The following RUNX1 variants were observed in gnomAD, a reference collection of about 807,000 sequenced individuals.
RUNX1 encodes RUNX family transcription factor 1, also known as runt-related transcription factor 1.
Under a neutral mutation model 42.8 loss-of-function variants are expected in RUNX1, and 19 were observed. That is an observed-to-expected ratio of 0.44 (90% confidence interval 0.31 to 0.65). The LOEUF (loss-of-function observed/expected upper bound fraction) is 0.65. Among genes scored for constraint, RUNX1 ranks in the 30% least tolerant of loss-of-function variants. RUNX1 has a pLI of 0.07. For missense variants in RUNX1, 528 were observed against 672.0 expected (o/e 0.79, Z 2.37); for synonymous variants, 271 against 289.4 (o/e 0.94, Z 0.64).
chr21:34,948,455 G>C (rs1487066449), intron 2 of RUNX1, among the ~76,000 whole-genome samples: 1 of 152,166 alleles, frequency 6.6e-6, no homozygotes, highest in Non-Finnish European at 1.5e-5. Flanking sequence ...TCTGAGAGGA[G>C]AATTTCTCAG....
At chr21:34,985,091 A>G in intron 2 of RUNX1, among the ~76,000 whole-genome samples, 1 of 152,362 alleles carries the variant, frequency 6.6e-6, no homozygotes, top group Non-Finnish European at 1.5e-5. Flanking sequence ...AATAATACTT[A>G]GAAGACTTAG....
At position 34,880,897 on chromosome 21, in the gene RUNX1, T is replaced by A. The variant is rs2298354; in HGVS notation, c.352-184A>T. 0.25 allele frequency among the ~76,000 whole-genome samples: 38,449 copies of A among 152,212 alleles called. 5,015 individuals are homozygous for A. The highest frequency in any genetic ancestry group is 0.29 in the African/African-American group (12,246 of 41,514). ...AAGTTATAAAGAGAAGACACTTTTT[T>A]ATTATATTTTAGGTTGGTGCAAAAG... On this transcript the variant is annotated intron_variant, in intron 4 of 8. Transcript: ENST00000675419.
At chr21:34,958,342 C>A in intron 2 of RUNX1, among the ~76,000 whole-genome samples, 1 of 151,976 alleles carries the variant, frequency 6.6e-6, no homozygotes, top group Non-Finnish European at 1.5e-5. Flanking sequence ...AAGACTCAAA[C>A]AAATTTACAA....
At chr21:34,946,962 C>T (rs2058567851) in intron 2 of RUNX1, among the ~76,000 whole-genome samples, 2 of 152,156 alleles carry the variant, frequency 1.3e-5, no homozygotes, top group South Asian at 2.1e-4. Context: ...GCTACTTCTC[C>T]TCACCTTAGT....
intron 2 of RUNX1, among the ~76,000 whole-genome samples, chr21:34,962,103 G>A (rs1296820685): frequency 6.6e-6 from 1 of 152,258 alleles, no homozygotes; most frequent in African/African-American, 2.4e-5. Flanking sequence ...ATGTTGCCCA[G>A]GCTGGTTTCA....
chr21:34,828,484 G>A (rs1285737407), intron 7 of RUNX1, among the ~76,000 whole-genome samples: 1 of 152,160 alleles, frequency 6.6e-6, no homozygotes, highest in East Asian at 1.9e-4. Flanking sequence ...AGTTAATGCT[G>A]GAAAGAGTTA....
At chr21:35,002,297 C>T (rs2059050541) in intron 2 of RUNX1, among the ~76,000 whole-genome samples, 1 of 151,962 alleles carries the variant, frequency 6.6e-6, no homozygotes, top group Admixed American at 6.6e-5. Flanking sequence ...GCGTGCCCCT[C>T]CTTCACCAGC....
At chr21:34,851,361 C>G (rs1489969957) in intron 6 of RUNX1, among the ~76,000 whole-genome samples, 1 of 152,200 alleles carries the variant, frequency 6.6e-6, no homozygotes, top group African/African-American at 2.4e-5. Flanking sequence ...TTTTGCTGAC[C>G]ATATTTTGTT....
intron 6 of RUNX1, 48 bp downstream of exon 6, chr21:34,859,425 AG>A: frequency 7.8e-7 from 1 of 1,282,494 alleles, no homozygotes; most frequent in Non-Finnish European, 1.1e-6. Context: ...ACCAGCCTGG[AG>A]GGTGTACCAG....
chr21:34,873,405 T>C (rs1224639347), intron 5 of RUNX1, among the ~76,000 whole-genome samples: 1 of 152,248 alleles, frequency 6.6e-6, no homozygotes, highest in Non-Finnish European at 1.5e-5. Context: ...CAGATGGCCC[T>C]GCCCATACAT....
At chr21:34,798,725 G>A (rs548999133) in intron 8 of RUNX1, among the ~76,000 whole-genome samples, 38 of 152,154 alleles carry the variant, frequency 2.5e-4, no homozygotes, top group African/African-American at 9.2e-4. Context: ...TAGGTATTAC[G>A]AGTAATCTAG....
intron 2 of RUNX1, 138 bp downstream of exon 2, chr21:35,048,704 C>T (rs1320983185): frequency 2.6e-6 from 2 of 777,572 alleles, no homozygotes; most frequent in East Asian, 4.9e-5. Flanking sequence ...TCATATGCCT[C>T]AGTTTGAATT....
intron 2 of RUNX1, among the ~76,000 whole-genome samples, chr21:34,898,017 C>T (rs954767437): frequency 3.3e-5 from 5 of 152,102 alleles, no homozygotes; most frequent in African/African-American, 7.2e-5. Flanking sequence ...GAAGTGAAGT[C>T]AGCATTGTAG....
At chr21:35,014,593 C>T (rs2059147105) in intron 2 of RUNX1, among the ~76,000 whole-genome samples, 1 of 152,164 alleles carries the variant, frequency 6.6e-6, no homozygotes, top group Admixed American at 6.5e-5. Context: ...TTCTGAAAAC[C>T]CAGAACCATA....
intron 2 of RUNX1, among the ~76,000 whole-genome samples, chr21:34,982,018 T>C (rs914644778): frequency 1.3e-5 from 2 of 152,180 alleles, no homozygotes; most frequent in African/African-American, 4.8e-5. Flanking sequence ...AAGTGCTCAA[T>C]GCCAGTTCGC....
intron 7 of RUNX1, among the ~76,000 whole-genome samples, chr21:34,827,586 C>T (rs2057005998): frequency 1.3e-5 from 2 of 152,196 alleles, no homozygotes; most frequent in African/African-American, 4.8e-5. Context: ...AGGCCCAGAG[C>T]TCTAGGAGGG....
intron 6 of RUNX1, among the ~76,000 whole-genome samples, chr21:34,850,715 T>C (rs1358864747): frequency 6.6e-6 from 1 of 152,076 alleles, no homozygotes; most frequent in African/African-American, 2.4e-5. Flanking sequence ...GCCCATGCTA[T>C]ACTAGAAAAG....
chr21:34,816,313 G>A (rs903039986), intron 7 of RUNX1, among the ~76,000 whole-genome samples: 1 of 152,144 alleles, frequency 6.6e-6, no homozygotes, highest in Non-Finnish European at 1.5e-5. Flanking sequence ...GAGCGTTCCT[G>A]CCCACCTGGA....
intron 7 of RUNX1, among the ~76,000 whole-genome samples, chr21:34,818,472 C>G (rs1368025346): frequency 6.6e-6 from 1 of 152,100 alleles, no homozygotes; most frequent in African/African-American, 2.4e-5. Context: ...CCCAGACCCC[C>G]CTCCTTCTGG....
Sources: gnomAD v4.1 joint callset for allele counts (sites outside exome capture counted in the v4.1 genomes callset) on GRCh38, gnomAD v4.1.1 for gene constraint, MANE v1.5 for transcripts, NCBI Gene and HGNC (gene_info 2026-07-23, HGNC 2026-07-21) for gene names.